Variants in SYNPR observed in about 807,000 individuals in gnomAD.
SYNPR encodes the protein synaptoporin.
A neutral mutation model predicts 32.9 loss-of-function variants in SYNPR; 23 were observed. The ratio of observed to expected loss-of-function variants is 0.70; its 90% CI spans 0.50 to 0.99. The LOEUF (loss-of-function observed/expected upper bound fraction) is 0.99. SYNPR is among the 50% of genes least tolerant of loss of function. The probability of loss-of-function intolerance (pLI) is 0.00; values close to 1 mark genes in which losing one functional copy is unlikely to be tolerated. For synonymous variants in SYNPR, 146 were observed against 135.9 expected (o/e 1.07, Z -0.52); for missense variants, 318 against 349.3 (o/e 0.91, Z 0.71).
intron 3 of SYNPR, among the ~76,000 whole-genome samples, chr3:63,548,140 A>G (rs1453715106): frequency 6.6e-6 from 1 of 152,180 alleles, no homozygotes; most frequent in Admixed American, 6.5e-5. Context: ...GTTTCTAATG[A>G]CTGGCACATG....
intron 1 of SYNPR, among the ~76,000 whole-genome samples, chr3:63,232,050 C>A (rs1055808122): frequency 3.3e-5 from 5 of 152,034 alleles, no homozygotes; most frequent in African/African-American, 9.7e-5. Context: ...TAACTCAGAG[C>A]TGGTCTAATA....
chr3:63,450,764 G>A (rs991472397), intron 2 of SYNPR, among the ~76,000 whole-genome samples: 2 of 152,164 alleles, frequency 1.3e-5, no homozygotes, highest in African/African-American at 4.8e-5. Flanking sequence ...TGTCACACAT[G>A]CTCCTGAGCT....
At chr3:63,538,976 C>T (rs182691089) in intron 3 of SYNPR, among the ~76,000 whole-genome samples, 7 of 152,178 alleles carry the variant, frequency 4.6e-5, no homozygotes, top group African/African-American at 1.7e-4. Flanking sequence ...TAAAAACAAA[C>T]AGGAGCCTAG....
At chr3:63,513,665 G>T (rs1229316826) in intron 3 of SYNPR, among the ~76,000 whole-genome samples, 1 of 152,100 alleles carries the variant, frequency 6.6e-6, no homozygotes, top group Non-Finnish European at 1.5e-5. Context: ...AACTGGTATA[G>T]TGGGTTGAAT....
intron 2 of SYNPR, among the ~76,000 whole-genome samples, chr3:63,422,690 G>C (rs1699821532): frequency 6.6e-6 from 1 of 151,940 alleles, no homozygotes; most frequent in Non-Finnish European, 1.5e-5. Context: ...GGACATAATG[G>C]AAACACAGTG....
chr3:63,531,480 G>A (rs1702111579), intron 3 of SYNPR, among the ~76,000 whole-genome samples: 1 of 152,096 alleles, frequency 6.6e-6, no homozygotes, highest in Admixed American at 6.5e-5. Context: ...TTACATAACT[G>A]TCTTCTTACA....
the SYNPR span, among the ~76,000 whole-genome samples, chr3:63,207,687 C>T: frequency 2.0e-5 from 3 of 152,074 alleles, no homozygotes; most frequent in Non-Finnish European, 4.4e-5. Context: ...AAGGAAAACT[C>T]TGAGATACTA....
At chr3:63,221,625 C>T in the SYNPR span, among the ~76,000 whole-genome samples, 1 of 152,126 alleles carries the variant, frequency 6.6e-6, no homozygotes, top group Non-Finnish European at 1.5e-5. Context: ...ATATGCAGAC[C>T]TGGCTGAGAG....
intron 3 of SYNPR, among the ~76,000 whole-genome samples, chr3:63,503,820 C>T (rs1321337015): frequency 4.0e-5 from 6 of 151,898 alleles, no homozygotes; most frequent in African/African-American, 1.2e-4. Context: ...TATGTATAAT[C>T]TTAAAGGACA....
intron 3 of SYNPR, among the ~76,000 whole-genome samples, chr3:63,501,652 G>C (rs897650794): frequency 6.6e-6 from 1 of 152,020 alleles, no homozygotes; most frequent in Admixed American, 6.6e-5. Flanking sequence ...TGTTATCTCC[G>C]TGTCTACTAT....
At chr3:63,494,450 CAT>C (rs1286322808) in intron 3 of SYNPR, among the ~76,000 whole-genome samples, 1 of 86,804 alleles carries the variant, frequency 1.2e-5, no homozygotes. Context: ...TATATATACA[CAT>C]ATATATACAT....
intron 2 of SYNPR, among the ~76,000 whole-genome samples, chr3:63,279,972 A>G (rs1326690597): frequency 2.6e-5 from 4 of 152,190 alleles, no homozygotes; most frequent in Non-Finnish European, 5.9e-5. Flanking sequence ...AGCAATCCTC[A>G]CAGTTCTGGA....
chr3:63,584,988 C>A (rs779744785), intron 4 of SYNPR, among the ~76,000 whole-genome samples: 1 of 152,068 alleles, frequency 6.6e-6, no homozygotes, highest in Non-Finnish European at 1.5e-5. Context: ...TGTCCAGAAG[C>A]TTTGTCGTGC....
intron 2 of SYNPR, among the ~76,000 whole-genome samples, chr3:63,296,920 C>T (rs1279287423): frequency 6.6e-6 from 1 of 152,138 alleles, no homozygotes; most frequent in Non-Finnish European, 1.5e-5. Context: ...ACCATAGCCA[C>T]TCACTACATA....
intron 2 of SYNPR, among the ~76,000 whole-genome samples, chr3:63,321,377 G>T (rs2087109174): frequency 6.6e-6 from 1 of 151,912 alleles, no homozygotes. Context: ...CTCTATTCTT[G>T]CTCTGTTGAG....
intron 2 of SYNPR, among the ~76,000 whole-genome samples, chr3:63,446,002 A>G (rs975912459): frequency 7.2e-5 from 11 of 152,206 alleles, no homozygotes; most frequent in African/African-American, 2.7e-4. Flanking sequence ...GCAGATACAA[A>G]GATATGAGTG....
chr3:63,482,506 C>T (rs1407440080), intron 3 of SYNPR, among the ~76,000 whole-genome samples: 1 of 152,106 alleles, frequency 6.6e-6, no homozygotes, highest in African/African-American at 2.4e-5. Context: ...CTGCCACACA[C>T]CTTGCCCACT....
intron 2 of SYNPR, among the ~76,000 whole-genome samples, chr3:63,309,723 G>T (rs1224378570): frequency 6.6e-6 from 1 of 151,792 alleles, no homozygotes; most frequent in Non-Finnish European, 1.5e-5. Flanking sequence ...CTAGACACGG[G>T]CAGCCTTCTC....
intron 3 of SYNPR, among the ~76,000 whole-genome samples, chr3:63,495,518 G>A (rs1701354005): frequency 6.6e-6 from 1 of 152,162 alleles, no homozygotes; most frequent in Admixed American, 6.6e-5. Context: ...TTACCTTTTG[G>A]CATCTTTAGA....
Sources: allele counts gnomAD v4.1 joint callset (sites outside exome capture counted in the v4.1 genomes callset), GRCh38; gene constraint gnomAD v4.1.1; transcripts MANE v1.5; gene names NCBI Gene and HGNC (gene_info 2026-07-23, HGNC 2026-07-21).